ARL6IP6: variants seen among roughly 807,000 people sequenced by gnomAD.
ARL6IP6 encodes the protein ARF like GTPase 6 interacting protein 6.
Under a neutral mutation model 21.5 loss-of-function variants are expected in ARL6IP6, and 22 were observed. The ratio of observed to expected loss-of-function variants is 1.02; its 90% CI spans 0.73 to 1.46. The LOEUF (loss-of-function observed/expected upper bound fraction) is 1.46. Ranked by LOEUF, ARL6IP6 falls within the 40% of genes most tolerant of loss-of-function variation. The probability of loss-of-function intolerance (pLI) is 0.00; values close to 1 mark genes in which losing one functional copy is unlikely to be tolerated. For missense variants in ARL6IP6, 388 were observed against 299.8 expected (o/e 1.29, Z -2.17); for synonymous variants, 164 against 125.3 (o/e 1.31, Z -2.06).
chr2:152,717,970 G>C (rs1699252568), upstream of ARL6IP6: 2 of 1,005,410 alleles, frequency 2.0e-6, no homozygotes, highest in Non-Finnish European at 1.2e-6. Context: ...GTTCGGAGGA[G>C]AGGGTTCGAT....
In ARL6IP6 at chr2:152,719,088, C is replaced by T. The variant is rs76070079; in HGVS notation, c.400+64C>T. On this transcript the variant is annotated intron_variant, in intron 1 of 3. Transcript: ENST00000326446. ...AGTTGAGCCAGGGTGTGGCTCTCGT[C>T]TCCACCCATCTCCCTTTCCCTCGCG... The T allele has an allele frequency of 5.9e-4, 850 of 1,432,146 alleles. 10 individuals are homozygous for T. In the East Asian group the frequency reaches 0.021, roughly 35 times the overall value. 88.7% of individuals were successfully genotyped at this position (1,432,146 alleles called of 1,614,324 possible).
chr2:152,761,416 G>A lies in ARL6IP6; in HGVS notation c.*1576G>A, dbSNP rs1701839101. Among the ~76,000 whole-genome samples the A allele has an allele frequency of 6.6e-6, 1 of 152,052 alleles. No homozygotes were observed. Among genetic ancestry groups the A allele is most frequent in the African/African-American group, 2.4e-5 (1 of 41,408 alleles). On this transcript the variant is annotated 3_prime_UTR_variant, in exon 4 of 4. Coordinates refer to ENST00000326446, the MANE Select transcript of ARL6IP6 (RefSeq NM_152522.7). Reference sequence around the variant, plus strand: ...CCTTTCATTGCAAAGATGTACACAAGTAACAGAATCAATTTATCTTCTCTC... The same window carrying A: ...CCTTTCATTGCAAAGATGTACACAAATAACAGAATCAATTTATCTTCTCTC...
chr2:152,720,626 C>A, intron 2 of ARL6IP6, 40 bp downstream of exon 2: 1 of 1,555,712 alleles, frequency 6.4e-7, no homozygotes, highest in South Asian at 1.1e-5. Context: ...TTTGAGCTCA[C>A]GTTTGTGTTT....
In ARL6IP6 at chr2:152,759,942, T is replaced by G; in HGVS notation, c.*102T>G. 2 of 919,812 alleles carry G rather than the reference T, an allele frequency of 2.2e-6. No individual in the cohort carries two copies. The highest frequency in any genetic ancestry group is 3.5e-6 in the Non-Finnish European group (2 of 570,560). The allele number at this position is 919,812 out of a possible 1,614,324, so 57.0% of individuals were successfully genotyped here. ...ACTCAGAAGACTGAGAAACCTGCTG[T>G]TCATTATGTAGTTCAGATATTTATC... On this transcript the variant is annotated 3_prime_UTR_variant, in exon 4 of 4. Coordinates refer to ENST00000326446, the MANE Select transcript of ARL6IP6 (RefSeq NM_152522.7).
intron 3 of ARL6IP6, among the ~76,000 whole-genome samples, chr2:152,737,909 A>G (rs892758805): frequency 2.6e-5 from 4 of 152,062 alleles, no homozygotes; most frequent in African/African-American, 7.2e-5. Flanking sequence ...CAGTCCCCCA[A>G]ATTTCAGCAT....
At chr2:152,719,750 GAAAAAAAAAA>G (rs11328553) in intron 1 of ARL6IP6, 3 of 251,226 alleles carry the variant, frequency 1.2e-5, no homozygotes, top group South Asian at 6.9e-5. Context: ...CCAAGTTACT[GAAAAAAAAAA>G]AAAAAAAAAA....
At position 152,718,906 on chromosome 2, in the gene ARL6IP6, C is replaced by T. The variant is rs754211748; in HGVS notation, c.282C>T (p.Ala94=). The T allele has an allele frequency of 3.1e-6, 5 of 1,613,758 alleles. No homozygotes were observed. The highest frequency in any genetic ancestry group is 2.2e-5 in the East Asian group (1 of 44,874). The change falls in exon 1 of 4, where the codon GCC becomes GCT. Residue 94 remains alanine (A), a synonymous_variant. Coordinates refer to ENST00000326446, the MANE Select transcript of ARL6IP6 (RefSeq NM_152522.7). The stretch of plus-strand genomic sequence containing the variant: ...AGCGCAATGGTATCTTTCCCGCGGC[C>T]GCGGGCAGCAGAGCCCAGCCTCGGC... ...PDKRNGIFPA[A]AGSRAQPRRW... is the part of the protein sequence containing the mutation.
chr2:152,736,076 G>A (rs6723574), intron 3 of ARL6IP6, among the ~76,000 whole-genome samples: 6,329 of 151,976 alleles, frequency 0.042, 280 homozygotes, highest in African/African-American at 0.11. Flanking sequence ...TACATTTTTA[G>A]TGTTTTAATC....
At chr2:152,729,899 T>TA (rs11462948) in intron 2 of ARL6IP6, among the ~76,000 whole-genome samples, 151,873 of 152,300 alleles carry the variant, frequency 1, 75,725 homozygotes, top group East Asian at 1. Flanking sequence ...TAATTCTTTC[T>TA]AAGGGCTTAT....
At chr2:152,727,968 A>G (rs770938002) in intron 2 of ARL6IP6, among the ~76,000 whole-genome samples, 6 of 152,196 alleles carry the variant, frequency 3.9e-5, no homozygotes, top group Non-Finnish European at 8.8e-5. Context: ...GATTCCAACA[A>G]TTAAAGCAAA....
chr2:152,752,935 C>T (rs1412296551), intron 3 of ARL6IP6, among the ~76,000 whole-genome samples: 1 of 152,040 alleles, frequency 6.6e-6, no homozygotes, highest in Non-Finnish European at 1.5e-5. Context: ...AGATTCCCTG[C>T]CCCCAGATCT....
intron 3 of ARL6IP6, among the ~76,000 whole-genome samples, chr2:152,751,845 C>G (rs1197527396): frequency 2.0e-5 from 3 of 152,112 alleles, no homozygotes; most frequent in African/African-American, 7.2e-5. Context: ...ATGGGGTACA[C>G]ATATCTCTTG....
intron 3 of ARL6IP6, among the ~76,000 whole-genome samples, chr2:152,738,379 T>A (rs1314080745): frequency 1.3e-5 from 2 of 152,238 alleles, no homozygotes; most frequent in Non-Finnish European, 2.9e-5. Flanking sequence ...AGTTCCCCCG[T>A]GGGGACTTTG....
chr2:152,719,054 C>T, intron 1 of ARL6IP6, 30 bp downstream of exon 1: 1 of 1,495,730 alleles, frequency 6.7e-7, no homozygotes, highest in Non-Finnish European at 8.9e-7. Context: ...GAAAGTCTGT[C>T]CAGAGTAAAG....
At chr2:152,726,675 A>G (rs949933853) in intron 2 of ARL6IP6, among the ~76,000 whole-genome samples, 1 of 152,230 alleles carries the variant, frequency 6.6e-6, no homozygotes, top group East Asian at 1.9e-4. Flanking sequence ...AGTTTTTACA[A>G]CTTTTAAAGT....
At chr2:152,749,310 C>T (rs924945844) in intron 3 of ARL6IP6, among the ~76,000 whole-genome samples, 1 of 80,306 alleles carries the variant, frequency 1.2e-5, no homozygotes, top group African/African-American at 4.7e-5. Context: ...AACACACACA[C>T]AAAAACACAC....
At chr2:152,729,598 G>A (rs1213906367) in intron 2 of ARL6IP6, among the ~76,000 whole-genome samples, 1 of 152,142 alleles carries the variant, frequency 6.6e-6, no homozygotes, top group Admixed American at 6.5e-5. Flanking sequence ...CAACAGAACT[G>A]TGGCTGTGGG....
intron 2 of ARL6IP6, 97 bp downstream of exon 2, chr2:152,720,683 TC>T: frequency 1.7e-5 from 18 of 1,082,332 alleles, no homozygotes; most frequent in Non-Finnish European, 2.2e-5. Context: ...TTAATGTATT[TC>T]TATGTGCAGT....
chr2:152,718,176 G>A (rs1488258645), upstream of ARL6IP6: 6 of 626,044 alleles, frequency 9.6e-6, no homozygotes, highest in Non-Finnish European at 1.2e-5. Flanking sequence ...TAGTGGGGAA[G>A]AAGGGAGAAG....
Sources: gnomAD v4.1 joint callset for allele counts (sites outside exome capture counted in the v4.1 genomes callset) on GRCh38, gnomAD v4.1.1 for gene constraint, MANE v1.5 for transcripts, NCBI Gene and HGNC (gene_info 2026-07-23, HGNC 2026-07-21) for gene names.